Variants in RARS2 observed in about 807,000 individuals in gnomAD.
RARS2 encodes the protein probable arginine--tRNA ligase, mitochondrial.
Under a neutral mutation model 88.5 loss-of-function variants are expected in RARS2, and 67 were observed. The ratio of observed to expected loss-of-function variants is 0.76; its 90% CI spans 0.62 to 0.93. The LOEUF is 0.93. RARS2 is among the 40% of genes least tolerant of loss of function. RARS2 has a pLI of 0.00. For synonymous variants in RARS2, 239 were observed against 230.3 expected (o/e 1.04, Z -0.34); for missense variants, 664 against 684.2 (o/e 0.97, Z 0.33).
chr6:87,564,929 G>A (rs575112774), intron 2 of RARS2, among the ~76,000 whole-genome samples: 78 of 124,604 alleles, frequency 6.3e-4, no homozygotes, highest in African/African-American at 2.2e-3. Context: ...GTGGTGGCAT[G>A]TGCCCGTAAG....
intron 1 of RARS2, among the ~76,000 whole-genome samples, chr6:87,577,003 G>T (rs1020191674): frequency 2.6e-5 from 4 of 152,204 alleles, no homozygotes; most frequent in Admixed American, 6.5e-5. Context: ...GCAAAGTAGT[G>T]TGTTTCACCT....
At chr6:87,580,058 C>G (rs1210883693) in intron 1 of RARS2, among the ~76,000 whole-genome samples, 1 of 152,096 alleles carries the variant, frequency 6.6e-6, no homozygotes, top group Non-Finnish European at 1.5e-5. Flanking sequence ...GTTTTAAGTT[C>G]ACTTGTATTC....
intron 5 of RARS2, among the ~76,000 whole-genome samples, chr6:87,551,965 C>T (rs1254299326): frequency 1.3e-5 from 2 of 152,202 alleles, no homozygotes; most frequent in South Asian, 2.1e-4. Context: ...TCAAGTCTTA[C>T]ACCATCTACC....
chr6:87,569,545 T>C lies in RARS2; in HGVS notation c.82A>G (p.Ile28Val). 6.2e-7 allele frequency: 1 copy of C among 1,605,654 alleles called. No homozygotes were observed. Among genetic ancestry groups the C allele is most frequent in the Non-Finnish European group, 8.5e-7 (1 of 1,172,498 alleles). ...NLPPENLITS[I>V]SAVPISQKEE... Reference sequence around the variant, plus strand: ...TTTTGGGAAATTGGAACTGCAGATATTGATGTGATCAAGTTTTCTGGTGGA... The same window carrying C: ...TTTTGGGAAATTGGAACTGCAGATACTGATGTGATCAAGTTTTCTGGTGGA... Residue 28 changes from isoleucine to valine, a missense_variant, in exon 2 of 20, where the codon ATA (isoleucine) becomes GTA (valine). Transcript: ENST00000369536.
chr6:87,568,565 C>A (rs376688597), intron 2 of RARS2, among the ~76,000 whole-genome samples: 4 of 152,242 alleles, frequency 2.6e-5, no homozygotes, highest in African/African-American at 9.6e-5. Flanking sequence ...ATAGATTTTA[C>A]GAAATAGGCA....
chr6:87,542,969 TAA>T (rs56220766), intron 7 of RARS2, among the ~76,000 whole-genome samples: 9,639 of 140,644 alleles, frequency 0.069, 385 homozygotes, highest in African/African-American at 0.12. Context: ...TATAAAATAA[TAA>T]AAAAAAAAAA....
intron 1 of RARS2, among the ~76,000 whole-genome samples, chr6:87,586,268 A>C (rs1345684681): frequency 2.0e-5 from 3 of 152,018 alleles, no homozygotes; most frequent in Non-Finnish European, 4.4e-5. Flanking sequence ...TATAAAGATA[A>C]AATCAACAGG....
At position 87,535,981 on chromosome 6, in the gene RARS2, G is replaced by A. The variant is rs569856318; in HGVS notation, c.613-5039C>T. 5.9e-5 allele frequency among the ~76,000 whole-genome samples: 9 copies of A among 151,988 alleles called. No individual in the cohort carries two copies. In the East Asian group the frequency reaches 1.7e-3, roughly 29 times the overall value. ...ATTGCAGGTGTGAGCCACTGCACCT[G>A]GCCTATGTAACCTTTTTTAATGTCA... On this transcript the variant is annotated intron_variant, in intron 8 of 19. Coordinates refer to ENST00000369536, the MANE Select transcript of RARS2 (RefSeq NM_020320.5).
intron 4 of RARS2, among the ~76,000 whole-genome samples, chr6:87,556,178 G>A (rs1261187091): frequency 1.3e-5 from 2 of 152,012 alleles, no homozygotes; most frequent in Non-Finnish European, 2.9e-5. Context: ...CATATTCCAG[G>A]TTAGTTTTTA....
intron 8 of RARS2, among the ~76,000 whole-genome samples, chr6:87,534,091 G>A (rs1429908899): frequency 6.6e-6 from 1 of 151,940 alleles, no homozygotes; most frequent in Non-Finnish European, 1.5e-5. Flanking sequence ...ACTTCATTAT[G>A]TTTAATGCTG....
intron 6 of RARS2, among the ~76,000 whole-genome samples, chr6:87,546,909 T>C (rs1378600679): frequency 2.6e-5 from 4 of 152,210 alleles, no homozygotes; most frequent in African/African-American, 4.8e-5. Context: ...AGATGGCATA[T>C]TCCTATTTTT....
At chr6:87,544,895 G>T (rs1358604318) in intron 7 of RARS2, among the ~76,000 whole-genome samples, 1 of 152,284 alleles carries the variant, frequency 6.6e-6, no homozygotes, top group Non-Finnish European at 1.5e-5. Flanking sequence ...TGGGCCACTG[G>T]CTATGGTATA....
intron 10 of RARS2, 107 bp from the exon 11 acceptor site, chr6:87,524,759 T>G: frequency 1.3e-6 from 1 of 796,754 alleles, no homozygotes; most frequent in South Asian, 1.4e-5. Context: ...TTACCCACGT[T>G]GCAATGAGCA....
rs148555947 is a variant in RARS2 at position 87,540,193 on chromosome 6, T to A, written c.612+1725A>T. On this transcript the variant is annotated intron_variant, in intron 8 of 19. Transcript: ENST00000369536. The stretch of plus-strand genomic sequence containing the variant: ...GGCTAGGTGCGGTGGCTAACACCTG[T>A]AATCCCAGCACTTTGGGAGGCCGAG... Among the ~76,000 whole-genome samples, 1,483 of 152,022 alleles carry A rather than the reference T, an allele frequency of 9.8e-3. 19 individuals are homozygous for A. The highest frequency in any genetic ancestry group is 0.034 in the African/African-American group (1,399 of 41,454).
chr6:87,526,260 A>T (rs899012191), intron 10 of RARS2, among the ~76,000 whole-genome samples: 4 of 152,216 alleles, frequency 2.6e-5, no homozygotes, highest in African/African-American at 9.6e-5. Context: ...TCACGTCTAT[A>T]ATCCCAGCAC....
chr6:87,544,036 G>A (rs1270066984), intron 7 of RARS2, among the ~76,000 whole-genome samples: 6 of 152,204 alleles, frequency 3.9e-5, no homozygotes, highest in Admixed American at 3.3e-4. Flanking sequence ...TTCTTTAACA[G>A]TGATGGTTAT....
chr6:87,518,937 C>T, intron 14 of RARS2, 46 bp from the exon 15 acceptor site: 1 of 1,574,100 alleles, frequency 6.4e-7, no homozygotes, highest in Non-Finnish European at 8.7e-7. Context: ...TGACACTGTG[C>T]CAATCATGGA....
intron 10 of RARS2, among the ~76,000 whole-genome samples, 168 bp from the exon 11 acceptor site, chr6:87,524,820 A>C (rs1775134604): frequency 6.6e-6 from 1 of 152,232 alleles, no homozygotes; most frequent in Non-Finnish European, 1.5e-5. Flanking sequence ...AATATGACCA[A>C]GAATCTCTTA....
intron 12 of RARS2, among the ~76,000 whole-genome samples, chr6:87,520,494 T>A (rs2128011437): frequency 6.6e-6 from 1 of 152,226 alleles, no homozygotes; most frequent in African/African-American, 2.4e-5. Flanking sequence ...TGAACTTCAA[T>A]CTTCTGAGTA....
Sources: gnomAD v4.1 joint callset for allele counts (sites outside exome capture counted in the v4.1 genomes callset) on GRCh38, gnomAD v4.1.1 for gene constraint, MANE v1.5 for transcripts, NCBI Gene and HGNC (gene_info 2026-07-23, HGNC 2026-07-21) for gene names.